The following BACH2 variants were observed in gnomAD, a reference collection of about 807,000 sequenced individuals.
BACH2 encodes the protein transcription regulator protein BACH2.
Under a neutral mutation model 61.8 loss-of-function variants are expected in BACH2, and 5 were observed. That is an observed-to-expected ratio of 0.08 (90% CI 0.04 to 0.17). BACH2 has a LOEUF of 0.17. Ranked by LOEUF, BACH2 falls within the 10% of genes least tolerant of loss-of-function variation. The probability of loss-of-function intolerance (pLI) is 1.00; values close to 1 mark genes in which losing one functional copy is unlikely to be tolerated. For synonymous variants in BACH2, 446 were observed against 440.1 expected (o/e 1.01, Z -0.17); for missense variants, 824 against 1,091.1 (o/e 0.76, Z 3.45).
chr6:90,295,842 G>A (rs1772343759), intron 1 of BACH2, among the ~76,000 whole-genome samples: 1 of 152,268 alleles, frequency 6.6e-6, no homozygotes, highest in African/African-American at 2.4e-5. Context: ...GAGGCCCCCA[G>A]CTCGCCTCTT....
chr6:90,065,078 T>C (rs1024129937), intron 5 of BACH2, among the ~76,000 whole-genome samples: 1 of 151,512 alleles, frequency 6.6e-6, no homozygotes, highest in Non-Finnish European at 1.5e-5. Context: ...CCATAGGACT[T>C]GCTTTTACCA....
intron 7 of BACH2, among the ~76,000 whole-genome samples, chr6:89,947,812 T>C (rs548987501): frequency 3.0e-4 from 46 of 152,082 alleles, no homozygotes; most frequent in Middle Eastern, 3.4e-3. Context: ...ACCTTGTGAT[T>C]CGCCCGCCTC....
At chr6:90,292,097 C>T (rs187828758) in intron 1 of BACH2, among the ~76,000 whole-genome samples, 1 of 152,304 alleles carries the variant, frequency 6.6e-6, no homozygotes, top group East Asian at 1.9e-4. Context: ...TGTCACAGTC[C>T]TACACCATGC....
At chr6:90,168,371 A>G (rs1767700871) in intron 4 of BACH2, among the ~76,000 whole-genome samples, 1 of 152,222 alleles carries the variant, frequency 6.6e-6, no homozygotes, top group African/African-American at 2.4e-5. Flanking sequence ...AACCTCTAAC[A>G]TTAAAGGATT....
chr6:90,185,311 C>T lies in BACH2; in HGVS notation c.-162+21258G>A, dbSNP rs572513080. Among the ~76,000 whole-genome samples, 17 of 151,924 alleles carry T rather than the reference C, an allele frequency of 1.1e-4. No homozygotes were observed. The South Asian group carries it at 1.5e-3, about 13-fold the overall frequency. ...ACATTAAATGTCTGTTTCAGGGGAC[C>T]GAAAGCTGGATTCTCAATTTTCCAA... On this transcript the variant is annotated intron_variant, in intron 4 of 8. Coordinates refer to ENST00000257749, the MANE Select transcript of BACH2 (RefSeq NM_021813.4).
intron 3 of BACH2, among the ~76,000 whole-genome samples, chr6:90,234,613 T>C (rs1452665688): frequency 6.6e-6 from 1 of 152,228 alleles, no homozygotes; most frequent in African/African-American, 2.4e-5. Flanking sequence ...AAACTGTTTA[T>C]ACAACTATCC....
intron 4 of BACH2, among the ~76,000 whole-genome samples, chr6:90,163,657 A>G (rs1269165561): frequency 6.6e-6 from 1 of 152,200 alleles, no homozygotes; most frequent in African/African-American, 2.4e-5. Context: ...ATACATTCCC[A>G]TCCTGTGAAA....
chr6:90,121,032 T>G (rs1016288204), intron 4 of BACH2, among the ~76,000 whole-genome samples: 7 of 152,168 alleles, frequency 4.6e-5, no homozygotes, highest in Admixed American at 6.5e-5. Flanking sequence ...GGGGAAATAA[T>G]AAAAATTTAA....
intron 6 of BACH2, among the ~76,000 whole-genome samples, chr6:89,968,790 C>T (rs1002449602): frequency 6.6e-6 from 1 of 152,140 alleles, no homozygotes; most frequent in African/African-American, 2.4e-5. Context: ...GCTGGCCGAT[C>T]CCTTGAGGTC....
chr6:90,033,274 A>T (rs1375315302), intron 5 of BACH2, among the ~76,000 whole-genome samples: 1 of 151,402 alleles, frequency 6.6e-6, no homozygotes, highest in Non-Finnish European at 1.5e-5. Context: ...GTGTTACTGG[A>T]TGCAGCACAC....
At chr6:90,106,528 G>A (rs952796516) in intron 4 of BACH2, among the ~76,000 whole-genome samples, 4 of 152,168 alleles carry the variant, frequency 2.6e-5, no homozygotes, top group African/African-American at 9.7e-5. Context: ...TGTGCAGTAG[G>A]CTATACCATC....
At chr6:90,263,907 T>A (rs1771243338) in intron 2 of BACH2, among the ~76,000 whole-genome samples, 2 of 152,158 alleles carry the variant, frequency 1.3e-5, no homozygotes, top group African/African-American at 4.8e-5. Flanking sequence ...TAGGATGTGG[T>A]CACTCAGGTT....
chr6:90,000,832 A>C (rs1290383675), intron 6 of BACH2, among the ~76,000 whole-genome samples: 1 of 152,202 alleles, frequency 6.6e-6, no homozygotes, highest in African/African-American at 2.4e-5. Context: ...AAGTCAGGGA[A>C]AAGTCATAAA....
At chr6:90,186,461 GT>G (rs58426012) in intron 4 of BACH2, among the ~76,000 whole-genome samples, 1 of 151,988 alleles carries the variant, frequency 6.6e-6, no homozygotes, top group African/African-American at 2.4e-5. Flanking sequence ...GTAGCTTTTT[GT>G]TTTTTTAGTA....
chr6:90,286,087 C>T (rs561508333), intron 1 of BACH2, among the ~76,000 whole-genome samples: 16 of 152,260 alleles, frequency 1.1e-4, no homozygotes, highest in Admixed American at 8.5e-4. Context: ...AACAGCTGCA[C>T]TGAAATCTCA....
At position 90,216,246 on chromosome 6, in the gene BACH2, G is replaced by C. The variant is rs964137623; in HGVS notation, c.-274-9565C>G. ...GAAATTTATGCTTGCCTTAGCTGTG[G>C]AAAGCTCCACATTCCTTATTAACGA... On this transcript the variant is annotated intron_variant, in intron 3 of 8. Coordinates refer to ENST00000257749, the MANE Select transcript of BACH2 (RefSeq NM_021813.4). Among the ~76,000 whole-genome samples, 13 of 152,308 alleles carry C rather than the reference G, an allele frequency of 8.5e-5. No homozygotes were observed. In the Middle Eastern group the frequency reaches 0.01, roughly 120 times the overall value.
At position 90,008,868 on chromosome 6, in the gene BACH2, A is replaced by G; in HGVS notation, c.-12-12T>C. On this transcript the variant is annotated splice_polypyrimidine_tract_variant and intron_variant, in intron 5 of 8. Transcript: ENST00000257749. This position sits in a 1 kb window ranked among gnomAD's most constrained non-coding sequence, Gnocchi z 4.1. Reference sequence around the variant, plus strand: ...ATGCCGTTCACACCCTGAAAGAAAGAAAGAAACAAAGAAAGAAAGAAAGAA... The same window carrying G: ...ATGCCGTTCACACCCTGAAAGAAAGGAAGAAACAAAGAAAGAAAGAAAGAA... The G allele has an allele frequency of 6.2e-7, 1 of 1,609,156 alleles. No homozygotes were observed. The highest frequency in any genetic ancestry group is 1.3e-5 in the African/African-American group (1 of 74,726).
At chr6:90,151,777 C>T (rs1445307844) in intron 4 of BACH2, among the ~76,000 whole-genome samples, 1 of 152,174 alleles carries the variant, frequency 6.6e-6, no homozygotes, top group Non-Finnish European at 1.5e-5. Flanking sequence ...TTCCTTATGG[C>T]TTTTCAGTTT....
intron 4 of BACH2, among the ~76,000 whole-genome samples, chr6:90,134,030 T>G (rs1784190596): frequency 6.6e-6 from 1 of 152,226 alleles, no homozygotes; most frequent in Admixed American, 6.5e-5. Context: ...AGCAGCATGA[T>G]TTATAATCCT....
Sources: allele counts gnomAD v4.1 joint callset (sites outside exome capture counted in the v4.1 genomes callset), GRCh38; gene constraint gnomAD v4.1.1; non-coding constraint Gnocchi (gnomAD v3.1); transcripts MANE v1.5; gene names NCBI Gene and HGNC (gene_info 2026-07-23, HGNC 2026-07-21).